KDM4C: variants seen among roughly 807,000 people sequenced by gnomAD.
The protein encoded by KDM4C is lysine-specific demethylase 4C.
KDM4C carries 81 observed loss-of-function variants against 129.3 expected under a neutral mutation model. The observed-to-expected ratio is 0.63, with a 90% CI of 0.52 to 0.75. The LOEUF (loss-of-function observed/expected upper bound fraction) is 0.75, where lower values mean the gene tolerates loss of function less well. Ranked by LOEUF, KDM4C falls within the 30% of genes least tolerant of loss-of-function variation. The pLI is 0.00. For synonymous variants in KDM4C, 573 were observed against 456.1 expected (o/e 1.26, Z -3.26); for missense variants, 1,457 against 1,304.0 (o/e 1.12, Z -1.81).
chr9:7,020,125 G>T (rs999849324), intron 15 of KDM4C, among the ~76,000 whole-genome samples: 1 of 151,890 alleles, frequency 6.6e-6, no homozygotes, highest in Non-Finnish European at 1.5e-5. Flanking sequence ...TTCCATTCAC[G>T]TCCATTAAAA....
At chr9:6,919,984 A>G (rs10975898) in intron 8 of KDM4C, among the ~76,000 whole-genome samples, 41,179 of 152,126 alleles carry the variant, frequency 0.27, 6,148 homozygotes, top group Middle Eastern at 0.45. Flanking sequence ...ATTGCCTGAC[A>G]AGTTCTTCCT....
chr9:6,889,354 C>CAG (rs1371605319), intron 7 of KDM4C, among the ~76,000 whole-genome samples: 1 of 152,008 alleles, frequency 6.6e-6, no homozygotes, highest in Middle Eastern at 3.2e-3. Flanking sequence ...GTCTATGCAG[C>CAG]AGTCACGCAC....
intron 18 of KDM4C, among the ~76,000 whole-genome samples, chr9:7,114,879 T>C (rs191105048): frequency 2.6e-5 from 4 of 152,166 alleles, no homozygotes; most frequent in African/African-American, 9.6e-5. Context: ...GCCGAGGCGA[T>C]ATCAGCCTGG....
chr9:6,740,446 G>A (rs574666452), intron 1 of KDM4C, among the ~76,000 whole-genome samples: 49 of 152,016 alleles, frequency 3.2e-4, no homozygotes, highest in South Asian at 1.7e-3. Flanking sequence ...CTTGTGATCC[G>A]CCCACCTCGG....
chr9:7,055,384 G>A (rs1405176895), intron 17 of KDM4C, among the ~76,000 whole-genome samples: 2 of 152,196 alleles, frequency 1.3e-5, no homozygotes, highest in Non-Finnish European at 2.9e-5. Flanking sequence ...GATGACCTCT[G>A]ATTTGTGTTT....
intron 17 of KDM4C, among the ~76,000 whole-genome samples, chr9:7,074,046 C>G (rs971598816): frequency 1.3e-5 from 2 of 152,176 alleles, no homozygotes; most frequent in African/African-American, 4.8e-5. Context: ...ATCTAAAGAA[C>G]AGCAAACTAA....
At position 6,758,148 on chromosome 9, in the gene KDM4C, A is replaced by C; in HGVS notation, c.-73A>C. ...CCCAAATCTCCCTGGGCCGGAGGCC[A>C]CTGTCTTCTCTTCCTCCTCCACCGA... is the stretch of plus-strand genomic sequence containing the variant. On this transcript the variant is annotated 5_prime_UTR_variant, in exon 1 of 22. Coordinates refer to ENST00000381309, the MANE Select transcript of KDM4C (RefSeq NM_015061.6). This position sits in a 1 kb window ranked among gnomAD's most constrained non-coding sequence, Gnocchi z 4.6. 2 of 985,662 alleles carry C rather than the reference A, an allele frequency of 2.0e-6. No homozygotes were observed. Among genetic ancestry groups the C allele is most frequent in the Non-Finnish European group, 2.4e-6 (2 of 830,158 alleles). 61.1% of individuals were successfully genotyped at this position (985,662 alleles called of 1,614,324 possible). A position where few individuals can be genotyped will look rare whatever the true frequency, so the allele number is the denominator to read the frequency against.
At chr9:6,778,517 A>C (rs551029566) in intron 1 of KDM4C, among the ~76,000 whole-genome samples, 16 of 151,392 alleles carry the variant, frequency 1.1e-4, no homozygotes, top group Admixed American at 7.9e-4. Context: ...CTGTAATCCC[A>C]GCACTTTGGG....
chr9:6,874,511 T>G (rs944568406), intron 5 of KDM4C, among the ~76,000 whole-genome samples: 1 of 152,240 alleles, frequency 6.6e-6, no homozygotes, highest in African/African-American at 2.4e-5. Context: ...TTTAATAAAG[T>G]ACAAACATGT....
intron 1 of KDM4C, among the ~76,000 whole-genome samples, chr9:6,766,347 T>C (rs1026981657): frequency 1.3e-5 from 2 of 152,184 alleles, no homozygotes; most frequent in African/African-American, 2.4e-5. Context: ...GCTCAACTTA[T>C]GTATGATAAT....
intron 1 of KDM4C, among the ~76,000 whole-genome samples, chr9:6,775,370 A>G (rs932154592): frequency 6.6e-6 from 1 of 152,044 alleles, no homozygotes; most frequent in Admixed American, 6.6e-5. Context: ...ACTGCTGTGT[A>G]GTTCCATCGG....
chr9:7,092,421 C>T (rs1835911091), intron 17 of KDM4C, among the ~76,000 whole-genome samples: 2 of 152,180 alleles, frequency 1.3e-5, no homozygotes, highest in African/African-American at 4.8e-5. Context: ...TTACAAAAAA[C>T]TAGAGGCCTT....
chr9:7,023,079 G>C (rs55754223), intron 15 of KDM4C, among the ~76,000 whole-genome samples: 23,777 of 152,140 alleles, frequency 0.16, 2,517 homozygotes, highest in South Asian at 0.4. Context: ...CTGCATCAGT[G>C]TTCATCAGGG....
chr9:7,093,041 T>C (rs934659672), intron 17 of KDM4C, among the ~76,000 whole-genome samples: 1 of 152,208 alleles, frequency 6.6e-6, no homozygotes, highest in East Asian at 1.9e-4. Context: ...GCTAAAGAGT[T>C]AATTGCTGGG....
At chr9:6,871,766 A>T (rs1842848962) in intron 5 of KDM4C, among the ~76,000 whole-genome samples, 1 of 152,212 alleles carries the variant, frequency 6.6e-6, no homozygotes, top group African/African-American at 2.4e-5. Context: ...TGGAGCAGGC[A>T]CTCTACAAGG....
At chr9:7,119,947 G>A (rs1839315067) in intron 18 of KDM4C, among the ~76,000 whole-genome samples, 1 of 152,156 alleles carries the variant, frequency 6.6e-6, no homozygotes, top group Non-Finnish European at 1.5e-5. Flanking sequence ...TGAGCTATTT[G>A]AGAGAAGGGA....
rs146934893 is a variant in KDM4C, at chr9:7,087,940, G to A, written c.2425-15745G>A. On this transcript the variant is annotated intron_variant, in intron 17 of 21. Coordinates refer to ENST00000381309, the MANE Select transcript of KDM4C (RefSeq NM_015061.6). Reference sequence around the variant, plus strand: ...CTACATCCAGTTTATGGAGAACGCCGATTTGTAATCTTACAGTGATTTTTA... The same window carrying A: ...CTACATCCAGTTTATGGAGAACGCCAATTTGTAATCTTACAGTGATTTTTA... Among the ~76,000 whole-genome samples, 21 of 152,318 alleles carry A rather than the reference G, an allele frequency of 1.4e-4. No homozygotes were observed. In the East Asian group the frequency reaches 3.5e-3, roughly 25 times the overall value.
chr9:6,935,259 C>T (rs554356485), intron 8 of KDM4C, among the ~76,000 whole-genome samples: 3 of 152,124 alleles, frequency 2.0e-5, no homozygotes. Context: ...TTGGCATGTT[C>T]GTAAAATTGT....
chr9:7,022,707 T>C (rs1586981317), intron 15 of KDM4C, among the ~76,000 whole-genome samples: 1 of 149,148 alleles, frequency 6.7e-6, no homozygotes, highest in East Asian at 2.0e-4. Flanking sequence ...GTGTTGAAAA[T>C]AGGAATCCTT....
Sources: allele counts gnomAD v4.1 joint callset (sites outside exome capture counted in the v4.1 genomes callset), GRCh38; gene constraint gnomAD v4.1.1; non-coding constraint Gnocchi (gnomAD v3.1); transcripts MANE v1.5; gene names NCBI Gene and HGNC (gene_info 2026-07-23, HGNC 2026-07-21).